BRDT: variants seen among roughly 807,000 people sequenced by gnomAD.
BRDT encodes bromodomain testis-specific protein.
A neutral mutation model predicts 113.9 loss-of-function variants in BRDT; 77 were observed. The ratio of observed to expected loss-of-function variants is 0.68; its 90% CI spans 0.56 to 0.82. BRDT has a LOEUF of 0.82. BRDT is among the 40% of genes least tolerant of loss of function. BRDT has a pLI of 0.00. For synonymous variants in BRDT, 358 were observed against 366.5 expected, an observed-to-expected ratio of 0.98 and a Z score of 0.26; for missense variants, 1,027 against 1,105.4, an observed-to-expected ratio of 0.93 and a Z score of 1.01.
intron 3 of BRDT, among the ~76,000 whole-genome samples, chr1:91,967,370 G>A (rs1203891226): frequency 1.6e-4 from 24 of 150,360 alleles, no homozygotes; most frequent in Admixed American, 1.6e-3. Context: ...TGAGTAGCTG[G>A]GATTACAGGC....
chr1:91,953,315 T>C (rs189164198), intron 1 of BRDT, among the ~76,000 whole-genome samples: 2 of 152,332 alleles, frequency 1.3e-5, no homozygotes, highest in East Asian at 1.9e-4. Flanking sequence ...TGCTGTTTCC[T>C]GAGATTGAAG....
chr1:91,981,118 C>A lies in BRDT; in HGVS notation c.1690C>A (p.Leu564Ile). 6.2e-7 allele frequency: 1 copy of A among 1,613,470 alleles called. No individual in the cohort carries two copies. The highest frequency in any genetic ancestry group is 1.1e-5 in the South Asian group (1 of 90,890). Residue 564 changes from leucine (L) to isoleucine (I), a missense_variant, in exon 10 of 19, where the codon CTA (leucine) becomes ATA (isoleucine). Coordinates refer to ENST00000399546, the MANE Select transcript of BRDT (RefSeq NM_207189.4). ...IDFETLKAST[L>I]RELEKYVSAC... ...CTTTGAAACACTGAAAGCATCAACA[C>A]TAAGAGAATTAGAAAAATATGTTTC... is the stretch of plus-strand genomic sequence containing the variant.
intron 15 of BRDT, among the ~76,000 whole-genome samples, chr1:91,999,950 A>C (rs1051918976): frequency 6.6e-6 from 1 of 152,194 alleles, no homozygotes; most frequent in Admixed American, 6.5e-5. Flanking sequence ...AATATGGCTC[A>C]CTGCAGCCTC....
chr1:91,979,011 AAAC>A (rs71091252), intron 7 of BRDT, among the ~76,000 whole-genome samples: 7,662 of 129,746 alleles, frequency 0.059, 177 homozygotes, highest in Non-Finnish European at 0.077. Flanking sequence ...AAAAAAAAAA[AAAC>A]AACAACAACA....
intron 18 of BRDT, among the ~76,000 whole-genome samples, chr1:92,008,878 A>G (rs1286709028): frequency 1.3e-5 from 2 of 152,206 alleles, no homozygotes; most frequent in African/African-American, 4.8e-5. Flanking sequence ...ACAATTATAT[A>G]TATTTATGGT....
chr1:91,987,161 C>T (rs552152283), intron 12 of BRDT, among the ~76,000 whole-genome samples: 1 of 152,032 alleles, frequency 6.6e-6, no homozygotes, highest in African/African-American at 2.4e-5. Context: ...TTCAAGCGAT[C>T]TGCCTGCCTC....
At chr1:91,995,364 C>T (rs1686199045) in intron 15 of BRDT, among the ~76,000 whole-genome samples, 1 of 150,996 alleles carries the variant, frequency 6.6e-6, no homozygotes, top group Non-Finnish European at 1.5e-5. Flanking sequence ...ATGTTTTGAT[C>T]CTTCTTCACA....
At chr1:91,989,388 T>G (rs922518891) in intron 12 of BRDT, among the ~76,000 whole-genome samples, 1 of 152,194 alleles carries the variant, frequency 6.6e-6, no homozygotes, top group African/African-American at 2.4e-5. Context: ...TTAGACAGCT[T>G]CTGGCTCTGT....
intron 1 of BRDT, among the ~76,000 whole-genome samples, chr1:91,956,187 T>TA (rs1286227345): frequency 1.3e-5 from 2 of 152,314 alleles, no homozygotes; most frequent in Non-Finnish European, 2.9e-5. Context: ...CTCAAAATGT[T>TA]ATGACCGATC....
At chr1:91,954,141 T>C (rs941119689) in intron 1 of BRDT, among the ~76,000 whole-genome samples, 1 of 152,198 alleles carries the variant, frequency 6.6e-6, no homozygotes, top group South Asian at 2.1e-4. Flanking sequence ...CTGGCAAATT[T>C]TTGTATTTTT....
At chr1:91,988,922 A>G (rs545527828) in intron 12 of BRDT, among the ~76,000 whole-genome samples, 2 of 152,322 alleles carry the variant, frequency 1.3e-5, no homozygotes, top group East Asian at 3.9e-4. Flanking sequence ...CTTTTATGAG[A>G]CATATATAGT....
intron 1 of BRDT, among the ~76,000 whole-genome samples, chr1:91,953,395 G>T (rs1557793152): frequency 6.6e-6 from 1 of 152,118 alleles, no homozygotes; most frequent in Non-Finnish European, 1.5e-5. Context: ...TCAAAAATTT[G>T]TCAGCTGGGT....
In BRDT at chr1:91,981,039, ACAAT is replaced by A; in HGVS notation, c.1615_1618del (p.Ser539GlufsTer5). 6.2e-7 allele frequency: 1 copy of A among 1,614,118 alleles called. No individual in the cohort carries two copies. Among genetic ancestry groups the A allele is most frequent in the Non-Finnish European group, 8.5e-7 (1 of 1,180,002 alleles). ...AACTTGGGCGAGTAGTTCACATAAT[ACAAT>A]CAAGAGAGCCTTCTCTGAGCAATTC... On this transcript the variant is annotated frameshift_variant, in exon 10 of 19. Coordinates refer to ENST00000399546, the MANE Select transcript of BRDT (RefSeq NM_207189.4). LOFTEE classifies it high-confidence loss of function.
At chr1:91,986,942 CTT>C (rs770010779) in intron 12 of BRDT, among the ~76,000 whole-genome samples, 25 of 132,390 alleles carry the variant, frequency 1.9e-4, no homozygotes, top group Non-Finnish European at 1.8e-4. Flanking sequence ...TTTATAAATT[CTT>C]TTTTTTTTTT....
intron 14 of BRDT, among the ~76,000 whole-genome samples, chr1:91,993,443 A>G (rs540032433): frequency 1.3e-5 from 2 of 152,320 alleles, no homozygotes; most frequent in East Asian, 3.9e-4. Context: ...GTAGAGATAA[A>G]AATTATACCT....
intron 12 of BRDT, among the ~76,000 whole-genome samples, chr1:91,988,136 C>G (rs576158859): frequency 1.3e-5 from 2 of 152,178 alleles, no homozygotes; most frequent in East Asian, 3.9e-4. Context: ...TGTGAGCCAC[C>G]GTGCCCGGCC....
chr1:91,964,631 AT>A lies in BRDT; in HGVS notation c.199del (p.Tyr67IlefsTer4). On this transcript the variant is annotated frameshift_variant, in exon 3 of 19. Coordinates refer to ENST00000399546, the MANE Select transcript of BRDT (RefSeq NM_207189.4). LOFTEE classifies it high-confidence loss of function. Reference protein sequence around the residue: ...VDAVKLQLPDYYTIIKNPMDL... With the variant: ...VDAVKLQLPDXYTIIKNPMDL... ...AGAATTTGTTCAAAACCATAGGATT[AT>A]TATACCATTATAAAAAACCCAATGG... 1 of 1,403,850 alleles carries A rather than the reference AT, an allele frequency of 7.1e-7. No homozygotes were observed. Among genetic ancestry groups the A allele is most frequent in the Non-Finnish European group, 9.8e-7 (1 of 1,023,188 alleles). The allele number at this position is 1,403,850 out of a possible 1,614,324, so 87.0% of individuals were successfully genotyped here. A position where few individuals can be genotyped will look rare whatever the true frequency, so the allele number is the denominator to read the frequency against.
In BRDT at chr1:91,962,765, C is replaced by G. The variant is rs199720664; in HGVS notation, c.11C>G (p.Pro4Arg). The G allele has an allele frequency of 6.3e-7, 1 of 1,585,638 alleles. No individual in the cohort carries two copies. Among genetic ancestry groups the G allele is most frequent in the Admixed American group, 1.8e-5 (1 of 54,426 alleles). ...TCAAAGCAGTTAAGAATGTCTCTGCCAAGTCGACAAACAGCTATTATTGTT... is the reference window on the plus strand; with the variant it reads ...TCAAAGCAGTTAAGAATGTCTCTGCGAAGTCGACAAACAGCTATTATTGTT... MSLPSRQTAIIVNP... is the reference protein window; with the variant it reads MSLRSRQTAIIVNP... Residue 4 changes from proline (P) to arginine (R), a missense_variant, in exon 2 of 19, where the codon CCA (proline) becomes CGA (arginine). Physicochemically the swap from Pro to Arg is moderately radical, Grantham distance 103. Coordinates refer to ENST00000399546, the MANE Select transcript of BRDT (RefSeq NM_207189.4).
At chr1:91,971,199 G>A (rs1357906410) in intron 4 of BRDT, among the ~76,000 whole-genome samples, 2 of 151,996 alleles carry the variant, frequency 1.3e-5, no homozygotes, top group Non-Finnish European at 2.9e-5. Context: ...GGCACCAAGA[G>A]ATTCATGAGG....
Sources: gnomAD v4.1 joint callset for allele counts (sites outside exome capture counted in the v4.1 genomes callset) on GRCh38, gnomAD v4.1.1 for gene constraint, MANE v1.5 for transcripts, NCBI Gene and HGNC (gene_info 2026-07-23, HGNC 2026-07-21) for gene names.